DNAH11: variants seen among roughly 807,000 people sequenced by gnomAD.
DNAH11 encodes axonemal beta dynein heavy chain 11.
Under a neutral mutation model 526.0 loss-of-function variants are expected in DNAH11, and 442 were observed. The ratio of observed to expected loss-of-function variants is 0.84; its 90% confidence interval spans 0.78 to 0.91. The LOEUF (loss-of-function observed/expected upper bound fraction) is 0.91. Among genes scored for constraint, DNAH11 ranks in the 40% least tolerant of loss-of-function variants. The pLI is 0.00. For synonymous variants in DNAH11, 2,461 were observed against 1,935.9 expected, an observed-to-expected ratio of 1.27 and a Z score of -7.12; for missense variants, 6,989 against 5,448.7, an observed-to-expected ratio of 1.28 and a Z score of -8.90.
intron 30 of DNAH11, among the ~76,000 whole-genome samples, chr7:21,676,322 A>G (rs1562747059): frequency 6.6e-6 from 1 of 152,324 alleles, no homozygotes; most frequent in South Asian, 2.1e-4. Flanking sequence ...AGTGGCAAGA[A>G]TATGTACTGA....
At chr7:21,847,713 A>G (rs935627482) in intron 66 of DNAH11, among the ~76,000 whole-genome samples, 39 of 152,166 alleles carry the variant, frequency 2.6e-4, no homozygotes, top group African/African-American at 9.2e-4. Flanking sequence ...GTTCGACTAT[A>G]TCCTTGCTGA....
chr7:21,806,313 G>A (rs1562557535), intron 62 of DNAH11, among the ~76,000 whole-genome samples: 12 of 152,176 alleles, frequency 7.9e-5, no homozygotes, highest in Admixed American at 7.9e-4. Context: ...CAAAGATAGA[G>A]GGTAGGTGAA....
intron 68 of DNAH11, 111 bp from the exon 69 acceptor site, chr7:21,861,742 C>A: frequency 7.6e-7 from 1 of 1,320,544 alleles, no homozygotes. Context: ...AAAATTTTGC[C>A]TCATTCTCAC....
chr7:21,590,720 G>T (rs1784641246), intron 12 of DNAH11, among the ~76,000 whole-genome samples, 198 bp from the exon 13 acceptor site: 1 of 150,188 alleles, frequency 6.7e-6, no homozygotes, highest in African/African-American at 2.4e-5. Context: ...GATGTTTAAG[G>T]ATAATTCATA....
At chr7:21,559,843 G>T in intron 4 of DNAH11, 51 bp downstream of exon 4, 6 of 1,432,158 alleles carry the variant, frequency 4.2e-6, no homozygotes, top group Non-Finnish European at 5.7e-6. Context: ...AGTGTCCTGA[G>T]CTGCAATGAC....
At chr7:21,806,004 G>T (rs76017490) in intron 62 of DNAH11, among the ~76,000 whole-genome samples, 1 of 152,124 alleles carries the variant, frequency 6.6e-6, no homozygotes, top group Non-Finnish European at 1.5e-5. Context: ...CTGAGCAGCT[G>T]TTCAAAATTA....
intron 65 of DNAH11, among the ~76,000 whole-genome samples, chr7:21,819,760 C>G (rs1406053187): frequency 6.6e-6 from 1 of 152,154 alleles, no homozygotes; most frequent in Non-Finnish European, 1.5e-5. Context: ...ACGTAGTTAA[C>G]TATCAGTGAG....
At chr7:21,789,708 A>G (rs1252782027) in intron 61 of DNAH11, among the ~76,000 whole-genome samples, 1 of 151,868 alleles carries the variant, frequency 6.6e-6, no homozygotes, top group East Asian at 1.9e-4. Flanking sequence ...AACCTCTATG[A>G]GCCTCTGTTT....
chr7:21,799,440 C>G (rs142136868), intron 61 of DNAH11, among the ~76,000 whole-genome samples: 1 of 152,086 alleles, frequency 6.6e-6, no homozygotes, highest in Non-Finnish European at 1.5e-5. Flanking sequence ...CAGGTTCAAG[C>G]AATTCTCCTG....
intron 28 of DNAH11, among the ~76,000 whole-genome samples, chr7:21,651,858 G>A (rs1349056639): frequency 6.6e-6 from 1 of 152,198 alleles, no homozygotes; most frequent in African/African-American, 2.4e-5. Flanking sequence ...CTAAGTAACA[G>A]ATGTGCATCA....
At chr7:21,877,838 G>A (rs1700973459) in intron 74 of DNAH11, among the ~76,000 whole-genome samples, 1 of 121,868 alleles carries the variant, frequency 8.2e-6, no homozygotes, top group African/African-American at 3.2e-5. Flanking sequence ...TCGCGCTACT[G>A]CACTCCAGCC....
chr7:21,886,487 A>T (rs1180767171), intron 76 of DNAH11, among the ~76,000 whole-genome samples: 1 of 152,142 alleles, frequency 6.6e-6, no homozygotes, highest in Non-Finnish European at 1.5e-5. Flanking sequence ...TCTAATGAGC[A>T]AGATTTCACA....
chr7:21,775,030 C>T (rs531164749), intron 56 of DNAH11, among the ~76,000 whole-genome samples: 57 of 152,136 alleles, frequency 3.7e-4, no homozygotes, highest in African/African-American at 1.3e-3. Context: ...GAGGGAGCAC[C>T]TTTTCAAATG....
intron 65 of DNAH11, among the ~76,000 whole-genome samples, chr7:21,835,339 A>T (rs1781952449): frequency 6.6e-6 from 1 of 152,140 alleles, no homozygotes; most frequent in Non-Finnish European, 1.5e-5. Flanking sequence ...AATATGCCTG[A>T]TAAACATAGC....
rs182274335 is a variant in DNAH11, at chr7:21,562,411, C to T, written c.982+1241C>T. On this transcript the variant is annotated intron_variant, in intron 5 of 81. Transcript: ENST00000409508. The stretch of plus-strand genomic sequence containing the variant: ...ATTATACACTATGCAAGGTACTAGA[C>T]ATGTAGTAAGTATGCTTCAATAAAT... Among the ~76,000 whole-genome samples, 340 of 152,200 alleles carry T rather than the reference C, an allele frequency of 2.2e-3. 5 individuals carry two copies. The highest frequency in any genetic ancestry group is 5.0e-3 in the Admixed American group (76 of 15,290).
chr7:21,633,530 T>A (rs1459722548), intron 25 of DNAH11, among the ~76,000 whole-genome samples: 1 of 152,250 alleles, frequency 6.6e-6, no homozygotes, highest in Non-Finnish European at 1.5e-5. Flanking sequence ...ATTTTTTAAA[T>A]TTTAAATTGT....
At chr7:21,812,517 T>TAAA (rs1562561350) in intron 63 of DNAH11, among the ~76,000 whole-genome samples, 39 of 55,770 alleles carry the variant, frequency 7.0e-4, no homozygotes, top group East Asian at 6.3e-3. Flanking sequence ...AAAAAAAAAT[T>TAAA]TTTTTTAAAC....
Position 21,619,939 on chromosome 7 carries a change from A to G in DNAH11, c.4378-17A>G. On this transcript the variant is annotated splice_polypyrimidine_tract_variant and intron_variant, in intron 24 of 81. Transcript: ENST00000409508. The stretch of plus-strand genomic sequence containing the variant: ...CAATTAAATTTTGTGCACATTAATT[A>G]TATTGTTGATTACTAGGTTATTACT... 6.3e-7 allele frequency: 1 copy of G among 1,582,246 alleles called. No homozygotes were observed.
chr7:21,896,234 GCTTTT>G (rs1232646859), intron 79 of DNAH11, among the ~76,000 whole-genome samples: 1 of 152,068 alleles, frequency 6.6e-6, no homozygotes, highest in East Asian at 1.9e-4. Flanking sequence ...CTTGTTCTGG[GCTTTT>G]CTTTTTTTAT....
Sources: gnomAD v4.1 joint callset for allele counts (sites outside exome capture counted in the v4.1 genomes callset) on GRCh38, gnomAD v4.1.1 for gene constraint, MANE v1.5 for transcripts, NCBI Gene and HGNC (gene_info 2026-07-23, HGNC 2026-07-21) for gene names.